NNMT: variants seen among roughly 807,000 people sequenced by gnomAD.
NNMT encodes the protein nicotinamide N-methyltransferase.
In NNMT, 10 loss-of-function variants were observed where a neutral mutation model predicts 11.7. That is an observed-to-expected ratio of 0.85 (90% CI 0.53 to 1.45). NNMT has a LOEUF of 1.45. Ranked by LOEUF, NNMT falls within the 40% of genes most tolerant of loss-of-function variation. The pLI is 0.00. For synonymous variants in NNMT, 143 were observed against 133.8 expected (o/e 1.07, Z -0.48); for missense variants, 381 against 319.4 (o/e 1.19, Z -1.47).
upstream of NNMT, among the ~76,000 whole-genome samples, chr11:114,295,170 AGGC>A (rs918522204): frequency 6.6e-6 from 1 of 152,222 alleles, no homozygotes; most frequent in Non-Finnish European, 1.5e-5. Context: ...AGTGGCAACA[AGGC>A]TGTAAATCAA....
At chr11:114,272,547 T>C (rs1945177863) in intron 2 of NNMT, among the ~76,000 whole-genome samples, 2 of 152,316 alleles carry the variant, frequency 1.3e-5, no homozygotes, top group Non-Finnish European at 2.9e-5. Flanking sequence ...TGGGAGACCC[T>C]CAAAGTCTCT....
intron 2 of NNMT, among the ~76,000 whole-genome samples, chr11:114,277,083 C>T (rs916437485): frequency 1.5e-4 from 23 of 151,956 alleles, no homozygotes; most frequent in Non-Finnish European, 2.9e-4. Context: ...AATTAGCTGG[C>T]GTTGGGGCTC....
chr11:114,260,134 T>G (rs566150805), intron 1 of NNMT, among the ~76,000 whole-genome samples: 1 of 152,330 alleles, frequency 6.6e-6, no homozygotes, highest in Admixed American at 6.5e-5. Flanking sequence ...ATGCTGCCTT[T>G]CAGCCTTCAC....
At chr11:114,284,826 G>GT (rs1945286374) in intron 2 of NNMT, among the ~76,000 whole-genome samples, 1 of 136,260 alleles carries the variant, frequency 7.3e-6, no homozygotes, top group African/African-American at 2.7e-5. Context: ...CTGGGGTGCA[G>GT]TGGTGTAGTC....
chr11:114,304,749 A>T (rs1176187668), intron 2 of NNMT, among the ~76,000 whole-genome samples: 1 of 152,122 alleles, frequency 6.6e-6, no homozygotes, highest in Non-Finnish European at 1.5e-5. Context: ...GGCTGAGGAG[A>T]GAGGATCACT....
chr11:114,288,653 G>A (rs760974250), intron 2 of NNMT, among the ~76,000 whole-genome samples: 7 of 152,106 alleles, frequency 4.6e-5, no homozygotes, highest in South Asian at 2.1e-4. Flanking sequence ...GTCTAGCAGC[G>A]TGACCTGGGC....
chr11:114,272,522 A>C (rs1243586213), intron 2 of NNMT, among the ~76,000 whole-genome samples: 1 of 152,166 alleles, frequency 6.6e-6, no homozygotes, highest in Non-Finnish European at 1.5e-5. Flanking sequence ...GTTCCACTTG[A>C]TACATGGTCC....
upstream of NNMT, among the ~76,000 whole-genome samples, chr11:114,294,422 G>A (rs1945357277): frequency 6.7e-6 from 1 of 149,002 alleles, no homozygotes; most frequent in East Asian, 2.0e-4. Context: ...AGGTTGCAGT[G>A]AGCTGAGATC....
chr11:114,302,368 G>T (rs907683024), intron 2 of NNMT, among the ~76,000 whole-genome samples: 1 of 151,974 alleles, frequency 6.6e-6, no homozygotes, highest in South Asian at 2.1e-4. Context: ...AGTTTGTGTG[G>T]TTTTTCTAGG....
chr11:114,307,164 C>A (rs1945499977), intron 2 of NNMT, among the ~76,000 whole-genome samples: 1 of 152,180 alleles, frequency 6.6e-6, no homozygotes, highest in African/African-American at 2.4e-5. Flanking sequence ...GGTTAAGAAA[C>A]CTTCAACTAG....
At chr11:114,292,599 AT>A, upstream of NNMT, among the ~76,000 whole-genome samples, 1 of 152,338 alleles carries the variant, frequency 6.6e-6, no homozygotes, top group East Asian at 1.9e-4. Flanking sequence ...CAATATGGAA[AT>A]AACATGTTTT....
chr11:114,266,541 C>A (rs1945120980), intron 2 of NNMT, among the ~76,000 whole-genome samples: 1 of 151,888 alleles, frequency 6.6e-6, no homozygotes, highest in African/African-American at 2.4e-5. Context: ...CACCCCCACC[C>A]CCAGTCCCAC....
At chr11:114,271,056 C>T (rs934924739) in intron 2 of NNMT, among the ~76,000 whole-genome samples, 4 of 152,142 alleles carry the variant, frequency 2.6e-5, no homozygotes, top group Admixed American at 6.6e-5. Context: ...GGATTACAGG[C>T]ATGAACCACC....
At chr11:114,276,502 C>G (rs1396474088) in intron 2 of NNMT, among the ~76,000 whole-genome samples, 5 of 152,194 alleles carry the variant, frequency 3.3e-5, no homozygotes, top group Non-Finnish European at 7.3e-5. Context: ...TATTTAGAAA[C>G]CTTACCAGCA....
chr11:114,292,456 A>G (rs1010286115), upstream of NNMT, among the ~76,000 whole-genome samples: 3 of 152,170 alleles, frequency 2.0e-5, no homozygotes, highest in East Asian at 5.8e-4. Context: ...AGAATGCCCC[A>G]CTACATTGAT....
intron 2 of NNMT, among the ~76,000 whole-genome samples, chr11:114,280,396 G>A (rs1019980306): frequency 9.2e-5 from 14 of 152,068 alleles, no homozygotes; most frequent in Non-Finnish European, 1.8e-4. Flanking sequence ...AAGCCCAGTA[G>A]TCACCCTTTC....
intron 2 of NNMT, among the ~76,000 whole-genome samples, chr11:114,265,798 T>G (rs567905834): frequency 2.0e-5 from 3 of 152,216 alleles, no homozygotes. Context: ...CCATTAACCA[T>G]GATTAAAGTT....
chr11:114,287,246 A>C (rs563296543), intron 2 of NNMT, among the ~76,000 whole-genome samples: 2 of 152,216 alleles, frequency 1.3e-5, no homozygotes, highest in South Asian at 4.1e-4. Flanking sequence ...CTTAATTGTA[A>C]TATACTAGCA....
intron 2 of NNMT, among the ~76,000 whole-genome samples, chr11:114,302,127 G>T (rs559692377): frequency 6.6e-6 from 1 of 152,128 alleles, no homozygotes; most frequent in East Asian, 1.9e-4. Flanking sequence ...TAACTGGATT[G>T]TTTAGTCCAT....
Sources: allele counts gnomAD v4.1 joint callset (sites outside exome capture counted in the v4.1 genomes callset), GRCh38; gene constraint gnomAD v4.1.1; transcripts MANE v1.5; gene names NCBI Gene and HGNC (gene_info 2026-07-23, HGNC 2026-07-21).